SCTR: variants seen among roughly 807,000 people sequenced by gnomAD.
SCTR encodes pancreatic secretin receptor.
In SCTR, 56 loss-of-function variants were observed where a neutral mutation model predicts 60.8. That is an observed-to-expected ratio of 0.92 (90% CI 0.74 to 1.15). The LOEUF is 1.15. SCTR is among the 50% of genes most tolerant of loss of function. The probability of loss-of-function intolerance (pLI) is 0.00; values close to 1 mark genes in which losing one functional copy is unlikely to be tolerated. For synonymous variants in SCTR, 202 were observed against 217.0 expected (o/e 0.93, Z 0.61); for missense variants, 562 against 550.4 (o/e 1.02, Z -0.21).
chr2:119,494,323 C>T, intron 2 of SCTR, 105 bp downstream of exon 2: 1 of 1,304,616 alleles, frequency 7.7e-7, no homozygotes, highest in South Asian at 1.4e-5. Context: ...AAAGCTGGAC[C>T]AGCCTCCCAC....
At chr2:119,476,891 C>T (rs1003889760) in intron 3 of SCTR, 2 of 152,188 alleles carry the variant, frequency 1.3e-5, no homozygotes, top group African/African-American at 4.8e-5. Flanking sequence ...CTGGACTAAT[C>T]TCCTGTGTCC....
At chr2:119,489,435 C>T (rs1464550518) in intron 2 of SCTR, among the ~76,000 whole-genome samples, 2 of 152,196 alleles carry the variant, frequency 1.3e-5, no homozygotes, top group African/African-American at 2.4e-5. Context: ...ACTGAATACT[C>T]GGTCTGGCAA....
At chr2:119,495,802 C>T (rs1188751888) in intron 1 of SCTR, among the ~76,000 whole-genome samples, 1 of 152,208 alleles carries the variant, frequency 6.6e-6, no homozygotes, top group Non-Finnish European at 1.5e-5. Context: ...AACACATCAC[C>T]TCCCCTGGCC....
intron 7 of SCTR, among the ~76,000 whole-genome samples, chr2:119,456,645 G>C (rs1183542427): frequency 6.6e-6 from 1 of 152,110 alleles, no homozygotes; most frequent in Admixed American, 6.6e-5. Context: ...AAAAACACTG[G>C]CAAGTATACC....
intron 2 of SCTR, among the ~76,000 whole-genome samples, chr2:119,489,053 T>C (rs544458321): frequency 1.3e-5 from 2 of 152,168 alleles, no homozygotes; most frequent in South Asian, 4.2e-4. Flanking sequence ...GAATGCTGGG[T>C]GCCCAGAGGG....
chr2:119,460,068 T>G (rs1683540806), intron 7 of SCTR, among the ~76,000 whole-genome samples: 3 of 151,668 alleles, frequency 2.0e-5, no homozygotes, highest in Middle Eastern at 3.4e-3. Context: ...GCTGCCAAGG[T>G]TCAGAAGCAG....
intron 5 of SCTR, among the ~76,000 whole-genome samples, chr2:119,464,759 G>C (rs1683761456): frequency 1.3e-5 from 2 of 152,080 alleles, no homozygotes; most frequent in African/African-American, 4.8e-5. Flanking sequence ...TGGGGCTGTA[G>C]GGGCAACATT....
At chr2:119,455,514 G>C in intron 7 of SCTR, among the ~76,000 whole-genome samples, 1 of 152,206 alleles carries the variant, frequency 6.6e-6, no homozygotes, top group Non-Finnish European at 1.5e-5. Context: ...GAACGCCATC[G>C]GAGAGATAAA....
intron 11 of SCTR, among the ~76,000 whole-genome samples, chr2:119,446,126 T>A (rs933102337): frequency 6.6e-6 from 1 of 152,222 alleles, no homozygotes; most frequent in Admixed American, 6.5e-5. Flanking sequence ...CCACCTCACT[T>A]TATTTTTTAA....
chr2:119,472,668 C>A (rs1185358263), intron 4 of SCTR, among the ~76,000 whole-genome samples: 1 of 152,132 alleles, frequency 6.6e-6, no homozygotes, highest in East Asian at 1.9e-4. Flanking sequence ...AGGGCTCAAT[C>A]CTGTCCTCCA....
At chr2:119,474,839 T>C (rs1220868254) in intron 3 of SCTR, among the ~76,000 whole-genome samples, 1 of 152,224 alleles carries the variant, frequency 6.6e-6, no homozygotes, top group Non-Finnish European at 1.5e-5. Context: ...GGGCAGCGTC[T>C]AGGACCAGGA....
chr2:119,511,361 T>A (rs1028965938), intron 1 of SCTR, among the ~76,000 whole-genome samples: 1 of 152,232 alleles, frequency 6.6e-6, no homozygotes, highest in Admixed American at 6.5e-5. Context: ...TATACTAATC[T>A]TCATTTCATT....
At chr2:119,442,479 C>T (rs927155861) in intron 11 of SCTR, among the ~76,000 whole-genome samples, 4 of 152,264 alleles carry the variant, frequency 2.6e-5, no homozygotes, top group African/African-American at 9.6e-5. Flanking sequence ...CCTAGTCCCA[C>T]CCAGGCCTGC....
In SCTR at chr2:119,461,830, C is replaced by T; in HGVS notation, c.790+17G>A. ...TCCCACATACCATGCAGATATCAGA[C>T]CCAGGGAGAAACATACCCCATCCGA... is the stretch of plus-strand genomic sequence containing the variant. On this transcript the variant is annotated intron_variant, in intron 7 of 12. Coordinates refer to ENST00000019103, the MANE Select transcript of SCTR (RefSeq NM_002980.3). 6.2e-6 allele frequency: 10 copies of T among 1,604,150 alleles called. No homozygotes were observed. Among genetic ancestry groups the T allele is most frequent in the African/African-American group, 1.3e-5 (1 of 74,894 alleles).
chr2:119,476,185 C>G (rs918966543), intron 3 of SCTR, among the ~76,000 whole-genome samples: 3 of 152,110 alleles, frequency 2.0e-5, no homozygotes, highest in Non-Finnish European at 1.5e-5. Context: ...GCCTTCCTGC[C>G]GGGAGATGAA....
At chr2:119,484,079 G>A (rs1292892688) in intron 2 of SCTR, among the ~76,000 whole-genome samples, 2 of 152,180 alleles carry the variant, frequency 1.3e-5, no homozygotes, top group African/African-American at 4.8e-5. Flanking sequence ...ATCCTGGGCA[G>A]TTTTAGTTCC....
chr2:119,459,828 A>G (rs1378616474), intron 7 of SCTR, among the ~76,000 whole-genome samples: 1 of 152,208 alleles, frequency 6.6e-6, no homozygotes, highest in African/African-American at 2.4e-5. Context: ...TGAATAAATT[A>G]TGGTCCTGAT....
At chr2:119,465,943 G>A in intron 4 of SCTR, 57 bp from the exon 5 acceptor site, 3 of 1,236,748 alleles carry the variant, frequency 2.4e-6, no homozygotes, top group Non-Finnish European at 3.6e-6. Flanking sequence ...TCTGCCTTCT[G>A]TGCCTCACTG....
intron 7 of SCTR, among the ~76,000 whole-genome samples, chr2:119,458,256 A>G (rs370658095): frequency 6.6e-6 from 1 of 151,320 alleles, no homozygotes; most frequent in East Asian, 2.0e-4. Context: ...CAGTGAGCCA[A>G]GATTGAACAG....
Sources: allele counts gnomAD v4.1 joint callset (sites outside exome capture counted in the v4.1 genomes callset), GRCh38; gene constraint gnomAD v4.1.1; transcripts MANE v1.5; gene names NCBI Gene and HGNC (gene_info 2026-07-23, HGNC 2026-07-21).